Variants in RNF213 observed in about 807,000 individuals in gnomAD.
RNF213 encodes the protein E3 ubiquitin-protein ligase RNF213.
RNF213 carries 341 observed loss-of-function variants against 514.4 expected under a neutral mutation model. That is an observed-to-expected ratio of 0.66 (90% CI 0.61 to 0.73). The LOEUF (loss-of-function observed/expected upper bound fraction) is 0.73, where lower values mean the gene tolerates loss of function less well. Ranked by LOEUF, RNF213 falls within the 30% of genes least tolerant of loss-of-function variation. RNF213 has a pLI of 0.00. For synonymous variants in RNF213, 2,655 were observed against 2,658.2 expected (o/e 1.00, Z 0.04); for missense variants, 5,767 against 6,615.6 (o/e 0.87, Z 4.45).
chr17:80,380,979 A>C lies in RNF213; in HGVS notation c.13789A>C (p.Ser4597Arg). 6.2e-7 allele frequency: 1 copy of C among 1,614,202 alleles called. No homozygotes were observed. The highest frequency in any genetic ancestry group is 8.5e-7 in the Non-Finnish European group (1 of 1,180,022). The change falls in exon 56 of 68, where the codon AGT becomes CGT. Residue 4597 changes from serine to arginine, a missense_variant. Physicochemically the swap from Ser to Arg is moderately radical, Grantham distance 110 (BLOSUM62 -1). Transcript: ENST00000582970. ...GGCTCTGCTTCTGGGAGCGTCCCAG[A>C]GTTCCCAGGTATAACCCAGTGCTGC... ...HLALLLGASQ[S>R]SQALINIIKP...
intron 49 of RNF213, among the ~76,000 whole-genome samples, chr17:80,373,762 C>T (rs770456826): frequency 2.1e-4 from 32 of 151,896 alleles, no homozygotes; most frequent in South Asian, 2.1e-4. Flanking sequence ...TTTGGGAGGC[C>T]GAGGCAGGCG....
chr17:80,294,108 A>G (rs954610266), intron 8 of RNF213, among the ~76,000 whole-genome samples: 3 of 152,066 alleles, frequency 2.0e-5, no homozygotes, highest in African/African-American at 7.3e-5. Flanking sequence ...TGGGTTTTCT[A>G]ATTATTTTAC....
intron 51 of RNF213, 73 bp from the exon 52 acceptor site, chr17:80,376,228 G>A: frequency 6.5e-7 from 1 of 1,528,076 alleles, no homozygotes; most frequent in Non-Finnish European, 9.1e-7. Flanking sequence ...TGTATTTGGT[G>A]TCAGTGTATG....
In RNF213 at chr17:80,340,128, C is replaced by A. The variant is rs373444242; in HGVS notation, c.5761C>A (p.Arg1921=). Residue 1921 remains arginine, a synonymous_variant, in exon 26 of 68, where the codon CGA becomes AGA. Transcript: ENST00000582970. ...LFHNLCTQQH[R]EDYQLVMVCD... is the part of the protein sequence containing the mutation. ...CCACAATCTGTGCACGCAGCAGCAC[C>A]GAGAAGACTACCAGCTCGTCATGGT... is the stretch of plus-strand genomic sequence containing the variant. 1 of 1,613,658 alleles carries A rather than the reference C, an allele frequency of 6.2e-7. No individual in the cohort carries two copies. The highest frequency in any genetic ancestry group is 8.5e-7 in the Non-Finnish European group (1 of 1,179,958).
In RNF213 at chr17:80,287,885, C is replaced by G. The variant is rs1012503979; in HGVS notation, c.332C>G (p.Pro111Arg). Reference protein sequence around the residue: ...KSASSELASLPLSPASPCHLT... With the variant: ...KSASSELASLRLSPASPCHLT... ...GCTTCCTCAGAGCTGGCTTCCTTGC[C>G]CCTTTCTCCTGCCAGCCCCTGTCAC... The change falls in exon 4 of 68, where the codon CCC becomes CGC. Residue 111 changes from proline to arginine, a missense_variant. Coordinates refer to ENST00000582970, the MANE Select transcript of RNF213 (RefSeq NM_001256071.3). 1.4e-5 allele frequency: 23 copies of G among 1,589,728 alleles called. No individual in the cohort carries two copies. Among genetic ancestry groups the G allele is most frequent in the Non-Finnish European group, 1.9e-5 (22 of 1,168,324 alleles).
chr17:80,304,641 A>G (rs893146668), intron 11 of RNF213, among the ~76,000 whole-genome samples: 2 of 143,980 alleles, frequency 1.4e-5, no homozygotes, highest in East Asian at 4.0e-4. Context: ...CTCCAACACA[A>G]ATAAATAAAT....
At chr17:80,284,777 C>T (rs1032281197) in intron 3 of RNF213, among the ~76,000 whole-genome samples, 3 of 152,202 alleles carry the variant, frequency 2.0e-5, no homozygotes, top group African/African-American at 7.2e-5. Context: ...GTGGCTTCCC[C>T]TGTGATCCAC....
Position 80,269,060 on chromosome 17 carries a change from C to T in RNF213, c.98-4181C>T, listed in dbSNP as rs547009752. 9.2e-5 allele frequency among the ~76,000 whole-genome samples: 14 copies of T among 152,248 alleles called. No individual in the cohort carries two copies. In the South Asian group the frequency reaches 1.7e-3, roughly 18 times the overall value. On this transcript the variant is annotated intron_variant, in intron 2 of 67. Transcript: ENST00000582970. Reference sequence around the variant, plus strand: ...GTGTGATGTCCAAGGGCAAGAGGAACGTGAGGAAGCATCCAGCATAGGAGG... The same window carrying T: ...GTGTGATGTCCAAGGGCAAGAGGAATGTGAGGAAGCATCCAGCATAGGAGG...
chr17:80,275,258 A>G (rs1034841942), intron 3 of RNF213, among the ~76,000 whole-genome samples: 1 of 151,636 alleles, frequency 6.6e-6, no homozygotes, highest in African/African-American at 2.4e-5. Flanking sequence ...CAGAGCAGCC[A>G]AGGCCACCCC....
chr17:80,323,445 G>A (rs911989658), intron 17 of RNF213, among the ~76,000 whole-genome samples: 1 of 152,174 alleles, frequency 6.6e-6, no homozygotes, highest in Admixed American at 6.5e-5. Context: ...TGGGATTCTG[G>A]TAGGGCTGGT....
At chr17:80,282,644 C>T (rs1377103678) in intron 3 of RNF213, among the ~76,000 whole-genome samples, 3 of 152,062 alleles carry the variant, frequency 2.0e-5, no homozygotes, top group Non-Finnish European at 4.4e-5. Flanking sequence ...GTGATCCACC[C>T]GCCTCGGTCT....
chr17:80,290,471 ACGTGTGTGTGCGCACGTGTGTGTGTG>A, intron 6 of RNF213, 73 bp from the exon 7 acceptor site: 1 of 1,419,776 alleles, frequency 7.0e-7, no homozygotes, highest in South Asian at 1.2e-5. Flanking sequence ...GTGTGTGTGC[ACGTGTGTGTGCGCACGTGTGTGTGTG>A]CGCGTGTGTG....
chr17:80,347,298 G>A lies in RNF213; in HGVS notation c.8963G>A (p.Ser2988Asn). ...DIAQAVLRNF[S>N]GKDDIQALDI... The stretch of plus-strand genomic sequence containing the variant: ...GCACAGGCTGTCCTTAGGAACTTCA[G>A]TGGCAAGGATGACATCCAAGCTTTG... The change falls in exon 29 of 68, where the codon AGT becomes AAT. Residue 2988 changes from serine to asparagine, a missense_variant. Ser to Asn is a conservative substitution (Grantham distance 46). Coordinates refer to ENST00000582970, the MANE Select transcript of RNF213 (RefSeq NM_001256071.3). The surrounding 1 kb of genome is among the most constrained non-coding windows in gnomAD (Gnocchi z 7.2). 1.2e-6 allele frequency: 2 copies of A among 1,613,974 alleles called. No individual in the cohort carries two copies. Among genetic ancestry groups the A allele is most frequent in the East Asian group, 2.2e-5 (1 of 44,886 alleles).
intron 17 of RNF213, chr17:80,320,886 C>T: frequency 6.6e-6 from 1 of 152,308 alleles, no homozygotes; most frequent in Non-Finnish European, 1.5e-5. Context: ...ACTTGGGAGG[C>T]TGAGGTGGGA....
intron 26 of RNF213, among the ~76,000 whole-genome samples, chr17:80,342,569 T>TAC (rs2078184778): frequency 6.7e-6 from 1 of 149,820 alleles, no homozygotes; most frequent in South Asian, 2.1e-4. Flanking sequence ...TTTATATATA[T>TAC]ACACACACAT....
intron 67 of RNF213, 52 bp downstream of exon 67, chr17:80,390,248 C>T: frequency 6.4e-7 from 1 of 1,554,470 alleles, no homozygotes; most frequent in Non-Finnish European, 8.9e-7. Context: ...TGTGCTGTCT[C>T]TCCTGTGATC....
intron 11 of RNF213, 31 bp downstream of exon 11, chr17:80,298,549 A>C (rs765999586): frequency 6.8e-6 from 11 of 1,613,232 alleles, no homozygotes; most frequent in Non-Finnish European, 9.3e-6. Flanking sequence ...TATCTACATG[A>C]ATCTGGGAAG....
rs944744440 is a variant in RNF213, at chr17:80,278,994, G to A, written c.261+5590G>A. 1.5e-5 allele frequency: 22 copies of A among 1,505,908 alleles called. No homozygotes were observed. The African/African-American group carries it at 1.9e-4, about 13-fold the overall frequency. The allele number at this position is 1,505,908 out of a possible 1,614,324, so 93.3% of individuals were successfully genotyped here. A position where few individuals can be genotyped will look rare whatever the true frequency, so the allele number is the denominator to read the frequency against. Reference sequence around the variant, plus strand: ...CCTGGCACGGCCACCTCGCACTTCCGGCCCTTGAGTCCCTGCCAGTCGAGG... The same window carrying A: ...CCTGGCACGGCCACCTCGCACTTCCAGCCCTTGAGTCCCTGCCAGTCGAGG... On this transcript the variant is annotated intron_variant, in intron 3 of 67. Coordinates refer to ENST00000582970, the MANE Select transcript of RNF213 (RefSeq NM_001256071.3).
intron 23 of RNF213, 27 bp downstream of exon 23, chr17:80,336,405 G>C: frequency 6.5e-7 from 1 of 1,530,308 alleles, no homozygotes; most frequent in Non-Finnish European, 8.8e-7. Flanking sequence ...CTCTAATGCA[G>C]ATTTTGTTGA....
Sources: gnomAD v4.1 joint callset for allele counts (sites outside exome capture counted in the v4.1 genomes callset) on GRCh38, gnomAD v4.1.1 for gene constraint, Gnocchi (gnomAD v3.1) non-coding constraint, MANE v1.5 for transcripts, NCBI Gene and HGNC (gene_info 2026-07-23, HGNC 2026-07-21) for gene names.